Variants in CFAP47 observed in about 807,000 individuals in gnomAD.
CFAP47 encodes cilia- and flagella-associated protein 47.
Under a neutral mutation model 148.1 loss-of-function variants are expected in CFAP47, and 29 were observed. The observed-to-expected ratio is 0.20, with a 90% confidence interval of 0.15 to 0.27. CFAP47 has a LOEUF of 0.27. CFAP47 is among the 10% of genes least tolerant of loss of function. The probability of loss-of-function intolerance (pLI) is 1.00; values close to 1 mark genes in which losing one functional copy is unlikely to be tolerated. For synonymous variants in CFAP47, 664 were observed against 577.3 expected (o/e 1.15, Z -2.15); for missense variants, 1,872 against 1,697.5 (o/e 1.10, Z -1.81).
At chrX:36,011,970 T>A (rs1011190312) in intron 21 of CFAP47, among the ~76,000 whole-genome samples, 1 of 111,405 alleles carries the variant, frequency 9.0e-6, no homozygotes, top group Admixed American at 9.6e-5. Context: ...TCTTCTAGGG[T>A]TTTTATGGTT....
intron 5 of CFAP47, 46 bp downstream of exon 5, chrX:35,951,405 G>T: frequency 1.2e-6 from 1 of 828,810 alleles, no homozygotes; most frequent in Non-Finnish European, 1.8e-6. Flanking sequence ...TGACTTAAAA[G>T]AGATTGTGTT....
At chrX:36,085,235 A>G in intron 29 of CFAP47, 79 bp from the exon 30 acceptor site, 1 of 592,539 alleles carries the variant, frequency 1.7e-6, no homozygotes, top group Non-Finnish European at 2.7e-6. Flanking sequence ...TCATTTAGTC[A>G]TTGAATTGAA....
At chrX:36,341,037 C>CTTTTTTTTTT (rs11450233) in intron 57 of CFAP47, among the ~76,000 whole-genome samples, 3 of 89,619 alleles carry the variant, frequency 3.3e-5, no homozygotes, top group Admixed American at 1.2e-4. Context: ...CTTTTCTTTT[C>CTTTTTTTTTT]TTTTTTTTTT....
chrX:36,002,889 T>G (rs1278782118), intron 21 of CFAP47, among the ~76,000 whole-genome samples: 1 of 111,596 alleles, frequency 9.0e-6, no homozygotes, highest in Non-Finnish European at 1.9e-5. Flanking sequence ...AGCTGTTATT[T>G]GGCTTTCAGA....
At chrX:35,954,077 A>G (rs983198551) in intron 7 of CFAP47, among the ~76,000 whole-genome samples, 2 of 111,301 alleles carry the variant, frequency 1.8e-5, no homozygotes, top group Admixed American at 9.6e-5. Context: ...TTCCATCTCT[A>G]CTAATCCTTC....
chrX:36,338,820 A>G (rs1941629960), intron 57 of CFAP47, among the ~76,000 whole-genome samples: 1 of 112,064 alleles, frequency 8.9e-6, no homozygotes, highest in Non-Finnish European at 1.9e-5. Flanking sequence ...ACAGATATCT[A>G]TGAGGCTTCT....
intron 39 of CFAP47, among the ~76,000 whole-genome samples, chrX:36,170,228 C>A (rs2146856753): frequency 8.9e-6 from 1 of 111,941 alleles, no homozygotes; most frequent in South Asian, 3.7e-4. Context: ...TAAATTTTCA[C>A]AACCCTTACC....
chrX:36,218,275 C>A (rs782434110), intron 45 of CFAP47, among the ~76,000 whole-genome samples: 3 of 112,249 alleles, frequency 2.7e-5, no homozygotes, highest in Non-Finnish European at 5.6e-5. Context: ...TGAAATCTTA[C>A]ATCAGTTGTT....
chrX:36,287,598 T>A (rs1941147370), intron 51 of CFAP47, among the ~76,000 whole-genome samples: 1 of 111,513 alleles, frequency 9.0e-6, no homozygotes, highest in African/African-American at 3.2e-5. Flanking sequence ...TGACAGCTGC[T>A]AGATAGTTTC....
chrX:36,253,180 G>A (rs375069658), intron 49 of CFAP47, among the ~76,000 whole-genome samples: 14 of 111,842 alleles, frequency 1.3e-4, no homozygotes, highest in Admixed American at 2.9e-4. Flanking sequence ...TAAATGCAGC[G>A]CAGGATACAT....
In CFAP47 at chrX:36,379,538, T is replaced by C. The variant is rs1556023709; in HGVS notation, c.9354+20T>C. On this transcript the variant is annotated intron_variant, in intron 63 of 63. Transcript: ENST00000378653. ...ATACAGGTGAGTTCTATAAGGGCAA[T>C]AGCCAAGGATGTTTGATGCAACTAA... 9.1e-7 allele frequency: 1 copy of C among 1,102,131 alleles called. No homozygotes were observed. The highest frequency in any genetic ancestry group is 2.6e-5 in the Admixed American group (1 of 38,555). The allele number at this position is 1,102,131 out of a possible 1,213,427, so 90.8% of individuals were successfully genotyped here. A position where few individuals can be genotyped will look rare whatever the true frequency, so the allele number is the denominator to read the frequency against.
chrX:36,311,498 T>C (rs1941393925), intron 56 of CFAP47, among the ~76,000 whole-genome samples: 1 of 111,229 alleles, frequency 9.0e-6, no homozygotes, highest in Non-Finnish European at 1.9e-5. Flanking sequence ...ATAAATAATG[T>C]GAGTCTGAAT....
chrX:36,233,692 G>A (rs1369576698), intron 46 of CFAP47, among the ~76,000 whole-genome samples: 2 of 111,611 alleles, frequency 1.8e-5, no homozygotes, highest in African/African-American at 6.5e-5. Context: ...GTTAGTTGAT[G>A]CAGTTTCTTC....
chrX:36,157,360 G>A (rs1939380384), intron 37 of CFAP47, among the ~76,000 whole-genome samples: 1 of 111,981 alleles, frequency 8.9e-6, no homozygotes. Context: ...GCTTGCTCTT[G>A]GCTATATTTT....
At chrX:36,363,665 G>A (rs1941846954) in intron 61 of CFAP47, among the ~76,000 whole-genome samples, 1 of 111,392 alleles carries the variant, frequency 9.0e-6, no homozygotes, top group Admixed American at 9.6e-5. Flanking sequence ...TTTTTTGTAG[G>A]CAAGGTTAAA....
chrX:36,092,630 T>C (rs1938205795), intron 30 of CFAP47, among the ~76,000 whole-genome samples: 1 of 109,933 alleles, frequency 9.1e-6, no homozygotes, highest in Non-Finnish European at 1.9e-5. Context: ...TTTTTTTTTT[T>C]ACTTTTTATT....
rs151002869 is a variant in CFAP47 at position 35,920,171 on chromosome X, C to G, written c.249+123C>G. 2,914 of 754,546 alleles carry G rather than the reference C, an allele frequency of 3.9e-3. 55 individuals are homozygous for G. In the African/African-American group the frequency reaches 0.054, roughly 14 times the overall value. The allele number at this position is 754,546 out of a possible 1,213,427, so 62.2% of individuals were successfully genotyped here. On this transcript the variant is annotated intron_variant, in intron 1 of 63. Coordinates refer to ENST00000378653, the MANE Select transcript of CFAP47 (RefSeq NM_001304548.2). The stretch of plus-strand genomic sequence containing the variant: ...GGGATGGAGGGAGGATTGGGCTTCC[C>G]GGGAAACAGTGACAGGTTTCTGTGT...
intron 60 of CFAP47, among the ~76,000 whole-genome samples, chrX:36,357,111 A>G (rs1473328233): frequency 8.9e-6 from 1 of 111,880 alleles, no homozygotes; most frequent in African/African-American, 3.2e-5. Flanking sequence ...TTGGGGAAGA[A>G]AGAGAAGGGT....
chrX:36,223,463 C>A (rs1290588772), intron 45 of CFAP47, among the ~76,000 whole-genome samples: 1 of 110,339 alleles, frequency 9.1e-6, no homozygotes, highest in Non-Finnish European at 1.9e-5. Flanking sequence ...ATTATTCATT[C>A]TTAATTATTC....
Sources: gnomAD v4.1 joint callset for allele counts (sites outside exome capture counted in the v4.1 genomes callset) on GRCh38, gnomAD v4.1.1 for gene constraint, MANE v1.5 for transcripts, NCBI Gene and HGNC (gene_info 2026-07-23, HGNC 2026-07-21) for gene names.